Variants in TECPR2 observed in about 807,000 individuals in gnomAD.
TECPR2 encodes the protein tectonin beta-propeller repeat containing 2, also known as tectonin beta-propeller repeat-containing protein 2.
TECPR2 carries 65 observed loss-of-function variants against 138.1 expected under a neutral mutation model. The observed-to-expected ratio is 0.47, with a 90% confidence interval of 0.39 to 0.58. The LOEUF (loss-of-function observed/expected upper bound fraction) is 0.58, where lower values mean the gene tolerates loss of function less well. Among genes scored for constraint, TECPR2 ranks in the 20% least tolerant of loss-of-function variants. The probability of loss-of-function intolerance (pLI) is 0.00; values close to 1 mark genes in which losing one functional copy is unlikely to be tolerated. For missense variants in TECPR2, 1,553 were observed against 1,824.5 expected (o/e 0.85, Z 2.71); for synonymous variants, 746 against 749.8 (o/e 0.99, Z 0.08).
At chr14:102,455,673 C>T (rs1302632313) in intron 16 of TECPR2, among the ~76,000 whole-genome samples, 4 of 152,130 alleles carry the variant, frequency 2.6e-5, no homozygotes, top group African/African-American at 7.2e-5. Flanking sequence ...TGCAGTGGCA[C>T]GATCTCGGCT....
At chr14:102,451,149 C>A (rs765855051) in intron 15 of TECPR2, among the ~76,000 whole-genome samples, 2 of 152,174 alleles carry the variant, frequency 1.3e-5, no homozygotes, top group Non-Finnish European at 2.9e-5. Context: ...AGTGTCCCTG[C>A]GGAGTACAGG....
chr14:102,392,565 C>T (rs1888206336), intron 2 of TECPR2, among the ~76,000 whole-genome samples: 1 of 152,032 alleles, frequency 6.6e-6, no homozygotes, highest in Admixed American at 6.6e-5. Context: ...ATTTTTAAAA[C>T]ATTTTAATCA....
chr14:102,425,657 C>T (rs560122626), intron 6 of TECPR2, among the ~76,000 whole-genome samples: 61 of 151,398 alleles, frequency 4.0e-4, no homozygotes, highest in African/African-American at 1.4e-3. Context: ...CTTACTGCAA[C>T]CTCCACCTCC....
rs141567664 is a variant in TECPR2 at position 102,498,181 on chromosome 14, C to T, written c.4160C>T (p.Ser1387Leu). 20 of 1,611,614 alleles carry T rather than the reference C, an allele frequency of 1.2e-5. No homozygotes were observed. The highest frequency in any genetic ancestry group is 1.2e-4 in the Admixed American group (7 of 60,004). Reference sequence around the variant, plus strand: ...CGGCTGACAAAGACGTTCAGCCACTCGCACGGCACCCAGAAGAGCAGCCAG... The same window carrying T: ...CGGCTGACAAAGACGTTCAGCCACTTGCACGGCACCCAGAAGAGCAGCCAG... ...LQRLTKTFSH[S>L]HGTQKSSQAA... The change falls in exon 20 of 20, where the codon TCG becomes TTG. Residue 1387 changes from serine (S) to leucine (L), a missense_variant. Transcript: ENST00000359520.
At chr14:102,486,671 C>T (rs1045579915) in intron 17 of TECPR2, among the ~76,000 whole-genome samples, 1 of 152,162 alleles carries the variant, frequency 6.6e-6, no homozygotes, top group African/African-American at 2.4e-5. Flanking sequence ...CAGCAGGCCC[C>T]GGGCAGCCAT....
rs1435291313 is a variant in TECPR2 at position 102,499,040 on chromosome 14, A to T, written c.*783A>T. On this transcript the variant is annotated 3_prime_UTR_variant, in exon 20 of 20. Coordinates refer to ENST00000359520, the MANE Select transcript of TECPR2 (RefSeq NM_014844.5). ...GTACCTCGCCACATCTCACCACACC[A>T]CACCACACCACACCTCACTGCCCAC... 1.4e-6 allele frequency: 1 copy of T among 700,884 alleles called. No homozygotes were observed. The highest frequency in any genetic ancestry group is 2.0e-5 in the Admixed American group (1 of 49,684). 43.4% of individuals were successfully genotyped at this position (700,884 alleles called of 1,614,324 possible). A position where few individuals can be genotyped will look rare whatever the true frequency, so the allele number is the denominator to read the frequency against.
At chr14:102,382,369 G>A (rs1345058279) in intron 2 of TECPR2, among the ~76,000 whole-genome samples, 1 of 151,994 alleles carries the variant, frequency 6.6e-6, no homozygotes, top group Non-Finnish European at 1.5e-5. Flanking sequence ...AATAACCAGG[G>A]GTAAAAAAGA....
At chr14:102,473,941 C>T (rs1488127810) in intron 17 of TECPR2, among the ~76,000 whole-genome samples, 1 of 152,162 alleles carries the variant, frequency 6.6e-6, no homozygotes, top group Non-Finnish European at 1.5e-5. Flanking sequence ...TGGTGTGGTT[C>T]CAGTTTTGTA....
At chr14:102,426,461 C>T (rs1889324483) in intron 6 of TECPR2, among the ~76,000 whole-genome samples, 1 of 152,182 alleles carries the variant, frequency 6.6e-6, no homozygotes, top group Admixed American at 6.5e-5. Context: ...AGACTCTAGA[C>T]CAGGCCCTGT....
At chr14:102,406,596 G>A (rs938254606) in intron 2 of TECPR2, among the ~76,000 whole-genome samples, 1 of 152,090 alleles carries the variant, frequency 6.6e-6, no homozygotes, top group East Asian at 1.9e-4. Context: ...GCTCACATCT[G>A]TAATCCCAGC....
chr14:102,448,520 T>C (rs895422490), intron 13 of TECPR2, among the ~76,000 whole-genome samples: 1 of 152,166 alleles, frequency 6.6e-6, no homozygotes, highest in African/African-American at 2.4e-5. Context: ...ATGGTCCTAG[T>C]TGATGCTCTT....
intron 1 of TECPR2, among the ~76,000 whole-genome samples, chr14:102,372,617 T>C (rs1014522004): frequency 6.6e-5 from 10 of 152,148 alleles, no homozygotes; most frequent in African/African-American, 2.4e-4. Flanking sequence ...GCATGGTGGT[T>C]CATACCTGTA....
chr14:102,497,104 C>G lies in TECPR2; in HGVS notation c.3915C>G (p.Ala1305=), dbSNP rs746463597. Residue 1305 remains alanine, a synonymous_variant, in exon 18 of 20, where the codon GCC becomes GCG. Coordinates refer to ENST00000359520, the MANE Select transcript of TECPR2 (RefSeq NM_014844.5). The stretch of plus-strand genomic sequence containing the variant: ...CCGAGGAGATGCCTGTGGGGACCGC[C>G]TGGGAGCATGTGCCAGGTAGGAGCC... ...GITEEMPVGT[A]WEHVPGLQAC... is the part of the protein sequence containing the mutation. 1 of 1,611,994 alleles carries G rather than the reference C, an allele frequency of 6.2e-7. No individual in the cohort carries two copies. The highest frequency in any genetic ancestry group is 2.2e-5 in the East Asian group (1 of 44,884).
At chr14:102,400,138 C>T (rs554279262) in intron 2 of TECPR2, among the ~76,000 whole-genome samples, 51 of 151,466 alleles carry the variant, frequency 3.4e-4, no homozygotes, top group African/African-American at 9.4e-4. Context: ...ATCTGCCTCC[C>T]GGGTTCAAGT....
Position 102,434,800 on chromosome 14 carries a change from A to G in TECPR2, c.1983A>G (p.Glu661=), listed in dbSNP as rs750173445. Residue 661 remains glutamate, a synonymous_variant, in exon 9 of 20, where the codon GAA becomes GAG. Transcript: ENST00000359520. ...PSSLSWAPSA[E]QWLPGTRADE... is the part of the protein sequence containing the mutation. ...GCCTCAGCTGGGCCCCAAGTGCTGA[A>G]CAGTGGCTGCCTGGGACCAGAGCTG... is the stretch of plus-strand genomic sequence containing the variant. 1.2e-6 allele frequency: 2 copies of G among 1,613,410 alleles called. No individual in the cohort carries two copies. Among genetic ancestry groups the G allele is most frequent in the South Asian group, 1.1e-5 (1 of 91,086 alleles).
chr14:102,497,010 C>A lies in TECPR2; in HGVS notation c.3821C>A (p.Ser1274Tyr). 6.2e-7 allele frequency: 1 copy of A among 1,614,088 alleles called. No individual in the cohort carries two copies. Among genetic ancestry groups the A allele is most frequent in the Non-Finnish European group, 8.5e-7 (1 of 1,180,022 alleles). ...PAGVSLVSVH[S>Y]SPNDQMLWVL... ...GGGGTCAGCTTGGTCAGCGTCCATTCCAGCCCCAACGACCAGATGCTGTGG... is the reference window on the plus strand; with the variant it reads ...GGGGTCAGCTTGGTCAGCGTCCATTACAGCCCCAACGACCAGATGCTGTGG... Residue 1274 changes from serine to tyrosine, a missense_variant, in exon 18 of 20, where the codon TCC becomes TAC. Ser to Tyr is a moderately radical substitution (Grantham distance 144). Transcript: ENST00000359520.
chr14:102,372,419 C>T (rs1597760966), intron 1 of TECPR2, among the ~76,000 whole-genome samples: 1 of 152,116 alleles, frequency 6.6e-6, no homozygotes, highest in Admixed American at 6.5e-5. Context: ...GCATGCGCCA[C>T]CACGCCCAGG....
intron 16 of TECPR2, among the ~76,000 whole-genome samples, chr14:102,458,966 C>CATATATATGT (rs1555453378): frequency 7.2e-6 from 1 of 138,368 alleles, no homozygotes; most frequent in Non-Finnish European, 1.5e-5. Context: ...AAAATACACA[C>CATATATATGT]ATATATATAT....
At chr14:102,445,777 G>C in intron 12 of TECPR2, 29 bp from the exon 13 acceptor site, 2 of 1,609,624 alleles carry the variant, frequency 1.2e-6, no homozygotes, top group East Asian at 2.2e-5. Context: ...TATGGGTGCT[G>C]ACCCCCCTGT....
Sources: allele counts gnomAD v4.1 joint callset (sites outside exome capture counted in the v4.1 genomes callset), GRCh38; gene constraint gnomAD v4.1.1; transcripts MANE v1.5; gene names NCBI Gene and HGNC (gene_info 2026-07-23, HGNC 2026-07-21).